The following PIK3CD variants were observed in gnomAD, a reference collection of about 807,000 sequenced individuals.
PIK3CD encodes phosphatidylinositol 4,5-bisphosphate 3-kinase catalytic subunit delta isoform.
In PIK3CD, 20 loss-of-function variants were observed where a neutral mutation model predicts 122.9. That is an observed-to-expected ratio of 0.16 (90% CI 0.11 to 0.24). PIK3CD has a LOEUF of 0.24. PIK3CD is among the 10% of genes least tolerant of loss of function. The probability of loss-of-function intolerance (pLI) is 1.00; values close to 1 mark genes in which losing one functional copy is unlikely to be tolerated. For synonymous variants in PIK3CD, 596 were observed against 593.4 expected (o/e 1.00, Z -0.06); for missense variants, 787 against 1,406.3 (o/e 0.56, Z 7.04).
the PIK3CD span, among the ~76,000 whole-genome samples, chr1:9,629,786 C>T: frequency 6.6e-6 from 1 of 152,220 alleles, no homozygotes; most frequent in Non-Finnish European, 1.5e-5. Context: ...CCCCTGCAGT[C>T]GGGCCGGGAC....
intron 3 of PIK3CD, among the ~76,000 whole-genome samples, chr1:9,712,011 C>T (rs1485715385): frequency 1.3e-5 from 2 of 152,194 alleles, no homozygotes; most frequent in African/African-American, 4.8e-5. Context: ...ATTCTCCTGC[C>T]TCAGCCTCCC....
intron 1 of PIK3CD, among the ~76,000 whole-genome samples, chr1:9,669,802 C>T (rs993910578): frequency 6.6e-6 from 1 of 152,136 alleles, no homozygotes; most frequent in Non-Finnish European, 1.5e-5. Context: ...AAATGAACTA[C>T]TTCATGAGAA....
At chr1:9,645,331 A>G in the PIK3CD span, among the ~76,000 whole-genome samples, 1 of 151,844 alleles carries the variant, frequency 6.6e-6, no homozygotes, top group Non-Finnish European at 1.5e-5. Flanking sequence ...TGAATGTTAA[A>G]TTTAGCTTAA....
rs917706437 is a variant in PIK3CD at position 9,727,493 on chromosome 1, T to G, written c.*447T>G. The G allele has an allele frequency of 3.7e-6, 1 of 273,552 alleles. No individual in the cohort carries two copies. Among genetic ancestry groups the G allele is most frequent in the Non-Finnish European group, 7.2e-6 (1 of 139,770 alleles). 16.9% of individuals were successfully genotyped at this position (273,552 alleles called of 1,614,324 possible). On this transcript the variant is annotated 3_prime_UTR_variant, in exon 24 of 24. Coordinates refer to ENST00000377346, the MANE Select transcript of PIK3CD (RefSeq NM_005026.5). ...CCCTGTGTATCCTCCCTAGACTGAGTTCTGGCAGCTCCCCGAGGCAGCCGG... is the reference window on the plus strand; with the variant it reads ...CCCTGTGTATCCTCCCTAGACTGAGGTCTGGCAGCTCCCCGAGGCAGCCGG...
the PIK3CD span, among the ~76,000 whole-genome samples, chr1:9,635,316 A>G: frequency 2.7e-5 from 4 of 149,822 alleles, no homozygotes; most frequent in African/African-American, 9.8e-5. Context: ...AGCTGAAAAG[A>G]TGAGAATTTT....
rs774630166 is a variant in PIK3CD, at chr1:9,718,765, C to A, written c.1092C>A (p.Ser364Arg). Residue 364 changes from serine to arginine, a missense_variant, in exon 9 of 24, where the codon AGC (serine) becomes AGA (arginine). Ser to Arg is a moderately radical substitution (Grantham distance 110). This residue lies in a region of PIK3CD where 592 missense variants were observed against 920.6 expected (regional missense o/e 0.64). Coordinates refer to ENST00000377346, the MANE Select transcript of PIK3CD (RefSeq NM_005026.5). The surrounding 1 kb of genome is among the most constrained non-coding windows in gnomAD (Gnocchi z 7.2). ...AGACGGTGTCCAGCTCGGAGGTGAG[C>A]GTGTGCTCGGAGCCCGTGTGGAAGC... Reference protein sequence around the residue: ...LCKTVSSSEVSVCSEPVWKQR... With the variant: ...LCKTVSSSEVRVCSEPVWKQR... 13 of 1,610,532 alleles carry A rather than the reference C, an allele frequency of 8.1e-6. No individual in the cohort carries two copies. The highest frequency in any genetic ancestry group is 7.6e-6 in the Non-Finnish European group (9 of 1,179,962).
At chr1:9,642,195 C>T in the PIK3CD span, among the ~76,000 whole-genome samples, 1 of 152,008 alleles carries the variant, frequency 6.6e-6, no homozygotes, top group African/African-American at 2.4e-5. Context: ...TCACTGCAAC[C>T]TCCACATCCC....
intron 1 of PIK3CD, chr1:9,653,757 A>G: frequency 7.5e-7 from 1 of 1,340,758 alleles, no homozygotes; most frequent in Non-Finnish European, 1.0e-6. Context: ...ACCCCTTAGC[A>G]TTTCCATGGC....
rs1229691880 is a variant in PIK3CD at position 9,712,114 on chromosome 1, T to C, written c.141+1518T>C. The stretch of plus-strand genomic sequence containing the variant: ...AGAGATTTTGGTTTGTTGAATAATA[T>C]TCAGGATGGACTACTGAGTCAAAGG... On this transcript the variant is annotated intron_variant, in intron 3 of 23. Transcript: ENST00000377346. 2.0e-5 allele frequency among the ~76,000 whole-genome samples: 3 copies of C among 151,730 alleles called. No homozygotes were observed. The East Asian group carries it at 5.8e-4, about 29-fold the overall frequency.
Position 9,665,757 on chromosome 1 carries a change from T to C in PIK3CD, c.-138+13955T>C, listed in dbSNP as rs534580310. On this transcript the variant is annotated intron_variant, in intron 1 of 23. Coordinates refer to ENST00000377346, the MANE Select transcript of PIK3CD (RefSeq NM_005026.5). Reference sequence around the variant, plus strand: ...GTCATCCTATAAACCCTTTCATTCTTTTTTTTTGTCCCCCAAGACGGAGTC... The same window carrying C: ...GTCATCCTATAAACCCTTTCATTCTCTTTTTTTGTCCCCCAAGACGGAGTC... Among the ~76,000 whole-genome samples, 40 of 151,992 alleles carry C rather than the reference T, an allele frequency of 2.6e-4. 2 individuals carry two copies. In the South Asian group the frequency reaches 8.3e-3, roughly 31 times the overall value.
intron 6 of PIK3CD, 144 bp from the exon 7 acceptor site, chr1:9,716,815 G>A (rs935534026): frequency 2.8e-5 from 35 of 1,259,744 alleles, no homozygotes; most frequent in Non-Finnish European, 4.0e-5. Flanking sequence ...AGGTGGAGGT[G>A]GGGCAGGAAA....
intron 1 of PIK3CD, among the ~76,000 whole-genome samples, chr1:9,676,795 C>T (rs940484341): frequency 2.0e-5 from 3 of 152,178 alleles, no homozygotes; most frequent in Non-Finnish European, 4.4e-5. Context: ...AAATGGACAT[C>T]AGGTGCCTAG....
intron 1 of PIK3CD, chr1:9,653,703 T>C: frequency 1.1e-6 from 1 of 894,918 alleles, no homozygotes; most frequent in Non-Finnish European, 1.6e-6. Context: ...CAAGGAGATA[T>C]AAATAGAGCT....
Position 9,724,251 on chromosome 1 carries a change from T to TC in PIK3CD, c.2719-20dup, listed in dbSNP as rs781032934. 3.1e-6 allele frequency: 5 copies of TC among 1,613,568 alleles called. No individual in the cohort carries two copies. The South Asian group carries it at 4.4e-5, about 14-fold the overall frequency. ...CTCCTGTCTGACACCTTCTCAATCCTCCCCCTCCTCTCCCCTCCCCTCAGC... is the reference window on the plus strand; with the variant it reads ...CTCCTGTCTGACACCTTCTCAATCCTCCCCCCTCCTCTCCCCTCCCCTCAGC... On this transcript the variant is annotated intron_variant, in intron 21 of 23. Coordinates refer to ENST00000377346, the MANE Select transcript of PIK3CD (RefSeq NM_005026.5). The surrounding 1 kb of genome is among the most constrained non-coding windows in gnomAD (Gnocchi z 7.3).
At chr1:9,632,499 T>TTCTG in the PIK3CD span, among the ~76,000 whole-genome samples, 2 of 152,126 alleles carry the variant, frequency 1.3e-5, no homozygotes, top group African/African-American at 4.8e-5. Flanking sequence ...TGCCCTCTGT[T>TTCTG]TCTGCTGAAT....
chr1:9,681,438 G>A (rs571046191), intron 1 of PIK3CD, among the ~76,000 whole-genome samples: 48 of 152,066 alleles, frequency 3.2e-4, no homozygotes, highest in African/African-American at 1.0e-3. Context: ...TGTTTGAGAC[G>A]GAGTCTCACT....
chr1:9,666,217 C>G lies in PIK3CD; in HGVS notation c.-138+14415C>G, dbSNP rs554953162. 8.3e-3 allele frequency among the ~76,000 whole-genome samples: 1,197 copies of G among 144,170 alleles called. 2 individuals are homozygous for G. The highest frequency in any genetic ancestry group is 0.013 in the Non-Finnish European group (857 of 66,796). The allele number at this position is 144,170 out of a possible 152,430, so 94.6% of individuals were successfully genotyped here. ...TGCTAGGATTACAGGCATGAGCCAC[C>G]GCGCCCGGTCTTTTTTTTTTTTTTT... On this transcript the variant is annotated intron_variant, in intron 1 of 23. Coordinates refer to ENST00000377346, the MANE Select transcript of PIK3CD (RefSeq NM_005026.5).
chr1:9,675,019 TAA>T (rs35270071), intron 1 of PIK3CD, among the ~76,000 whole-genome samples: 52 of 73,886 alleles, frequency 7.0e-4, no homozygotes, highest in Admixed American at 7.5e-4. Context: ...CTGGGCAATG[TAA>T]AAAAAAAAAA....
At chr1:9,644,503 G>A in the PIK3CD span, among the ~76,000 whole-genome samples, 1 of 149,860 alleles carries the variant, frequency 6.7e-6, no homozygotes, top group Non-Finnish European at 1.5e-5. Context: ...GGATGACGAG[G>A]AAGACTCCGT....
Sources: gnomAD v4.1 joint callset for allele counts (sites outside exome capture counted in the v4.1 genomes callset) on GRCh38, gnomAD v4.1.1 for gene constraint, gnomAD v4.1.1 regional missense constraint, Gnocchi (gnomAD v3.1) non-coding constraint, MANE v1.5 for transcripts, NCBI Gene and HGNC (gene_info 2026-07-23, HGNC 2026-07-21) for gene names.